PIP5K1B: variants seen among roughly 807,000 people sequenced by gnomAD.
PIP5K1B encodes the protein phosphatidylinositol-4-phosphate 5-kinase type 1 beta, also known as phosphatidylinositol 4-phosphate 5-kinase type-1 beta.
Under a neutral mutation model 67.0 loss-of-function variants are expected in PIP5K1B, and 42 were observed. The ratio of observed to expected loss-of-function variants is 0.63; its 90% CI spans 0.49 to 0.81. The LOEUF (loss-of-function observed/expected upper bound fraction) is 0.81, where lower values mean the gene tolerates loss of function less well. Among genes scored for constraint, PIP5K1B ranks in the 30% least tolerant of loss-of-function variants. PIP5K1B has a pLI of 0.00. For synonymous variants in PIP5K1B, 214 were observed against 231.4 expected (o/e 0.92, Z 0.68); for missense variants, 459 against 646.3 (o/e 0.71, Z 3.14).
At position 68,803,358 on chromosome 9, in the gene PIP5K1B, T is replaced by C. The variant is rs1385043396; in HGVS notation, c.-85-15103T>C. ...CACAAGTAGGTTGCAGTTAAACCCA[T>C]TGGTGATGGAAGAGATTATTCAGAA... On this transcript the variant is annotated intron_variant, in intron 2 of 15. Transcript: ENST00000265382. Among the ~76,000 whole-genome samples the C allele has an allele frequency of 3.3e-5, 5 of 152,080 alleles. No homozygotes were observed. The East Asian group carries it at 9.6e-4, about 29-fold the overall frequency.
intron 2 of PIP5K1B, among the ~76,000 whole-genome samples, chr9:68,794,494 G>A (rs1274730317): frequency 6.6e-6 from 1 of 151,996 alleles, no homozygotes; most frequent in East Asian, 1.9e-4. Flanking sequence ...TGAGTAAACT[G>A]TTCAAGCTAA....
At chr9:68,783,800 G>A (rs117964220) in intron 2 of PIP5K1B, 2 of 166,854 alleles carry the variant, frequency 1.2e-5, no homozygotes, top group Non-Finnish European at 1.5e-5. Context: ...CACTCTGGTC[G>A]GCTATCCATT....
chr9:68,719,959 G>T (rs79975431), intron 1 of PIP5K1B, among the ~76,000 whole-genome samples: 8,091 of 152,238 alleles, frequency 0.053, 292 homozygotes, highest in Middle Eastern at 0.12. Flanking sequence ...GAAATGATCA[G>T]CAGCAGCACT....
At chr9:68,752,383 G>C (rs1829677460) in intron 2 of PIP5K1B, among the ~76,000 whole-genome samples, 1 of 152,216 alleles carries the variant, frequency 6.6e-6, no homozygotes, top group African/African-American at 2.4e-5. Context: ...CATAGTTAGT[G>C]CAAGGGTAGG....
At chr9:68,951,078 A>G (rs892226824) in intron 14 of PIP5K1B, among the ~76,000 whole-genome samples, 9 of 152,228 alleles carry the variant, frequency 5.9e-5, no homozygotes, top group Non-Finnish European at 1.2e-4. Context: ...AGACAATGTT[A>G]AACTCTCCAT....
At chr9:68,815,205 C>A in intron 2 of PIP5K1B, among the ~76,000 whole-genome samples, 1 of 150,582 alleles carries the variant, frequency 6.6e-6, no homozygotes, top group African/African-American at 2.4e-5. Flanking sequence ...CACATCAAAA[C>A]TTATGAAGAA....
At chr9:68,762,279 C>A (rs1243498440) in intron 2 of PIP5K1B, among the ~76,000 whole-genome samples, 6 of 58,754 alleles carry the variant, frequency 1.0e-4, no homozygotes, top group African/African-American at 3.4e-4. Context: ...AAATGTTTGC[C>A]AAAGTTCATT....
intron 14 of PIP5K1B, among the ~76,000 whole-genome samples, chr9:68,971,711 A>G (rs1460832141): frequency 6.6e-6 from 1 of 152,188 alleles, no homozygotes; most frequent in Non-Finnish European, 1.5e-5. Context: ...ATGGTATCTC[A>G]TTGTGGTTTT....
In PIP5K1B at chr9:68,818,509, T is replaced by C. The variant is rs1247426502; in HGVS notation, c.-37T>C. ...CGACAATGAGTAGGCCACCCATCACTACTAACTACAGATGACTTGCCATTT... is the reference window on the plus strand; with the variant it reads ...CGACAATGAGTAGGCCACCCATCACCACTAACTACAGATGACTTGCCATTT... On this transcript the variant is annotated 5_prime_UTR_variant, in exon 3 of 16. Coordinates refer to ENST00000265382, the MANE Select transcript of PIP5K1B (RefSeq NM_003558.4). The C allele has an allele frequency of 6.6e-6, 1 of 152,640 alleles. No homozygotes were observed. Among genetic ancestry groups the C allele is most frequent in the Non-Finnish European group, 1.5e-5 (1 of 68,038 alleles). The allele number at this position is 152,640 out of a possible 1,614,324, so 9.5% of individuals were successfully genotyped here. A position where few individuals can be genotyped will look rare whatever the true frequency, so the allele number is the denominator to read the frequency against.
At chr9:68,725,120 A>G (rs991401916) in intron 1 of PIP5K1B, among the ~76,000 whole-genome samples, 1 of 152,206 alleles carries the variant, frequency 6.6e-6, no homozygotes, top group East Asian at 1.9e-4. Flanking sequence ...CAGTTCCACT[A>G]CACCTACTAT....
intron 2 of PIP5K1B, among the ~76,000 whole-genome samples, chr9:68,796,302 T>C (rs1038234410): frequency 9.4e-6 from 1 of 106,184 alleles, no homozygotes; most frequent in African/African-American, 3.6e-5. Context: ...CTCTTTAGTT[T>C]GTTTTCAATT....
intron 8 of PIP5K1B, 79 bp downstream of exon 8, chr9:68,894,717 G>C: frequency 7.5e-7 from 1 of 1,329,710 alleles, no homozygotes; most frequent in African/African-American, 1.5e-5. Flanking sequence ...TGAAAGCATA[G>C]AAATAAGGAA....
In PIP5K1B at chr9:68,923,321, G is replaced by A. The variant is rs982904930; in HGVS notation, c.1136G>A (p.Arg379Lys). The A allele has an allele frequency of 3.7e-6, 6 of 1,602,070 alleles. No individual in the cohort carries two copies. The highest frequency in any genetic ancestry group is 5.1e-6 in the Non-Finnish European group (6 of 1,172,216). Residue 379 changes from arginine to lysine, a missense_variant, in exon 12 of 16, where the codon AGA (arginine) becomes AAA (lysine). By Grantham distance (26) the Arg-to-Lys change is conservative. Transcript: ENST00000265382. The part of the protein sequence containing the change: ...VYDGDTVSVH[R>K]PSFYADRFLK... ...TTTCAGGACACTGTTTCTGTTCATA[G>A]ACCAAGCTTTTATGCAGACAGATTT...
In PIP5K1B at chr9:68,891,745, T is replaced by C. The variant is rs144782796; in HGVS notation, c.472-2594T>C. ...TGCTCATGAAAGTAAATCAGGAATT[T>C]TTAGAAGTGATATGACTCCAGCAGA... On this transcript the variant is annotated intron_variant, in intron 7 of 15. Coordinates refer to ENST00000265382, the MANE Select transcript of PIP5K1B (RefSeq NM_003558.4). 2.5e-3 allele frequency among the ~76,000 whole-genome samples: 381 copies of C among 152,272 alleles called. 5 individuals are homozygous for C. Among genetic ancestry groups the C allele is most frequent in the African/African-American group, 8.1e-3 (335 of 41,560 alleles).
intron 14 of PIP5K1B, among the ~76,000 whole-genome samples, chr9:68,973,054 A>G (rs1388691757): frequency 2.0e-5 from 3 of 152,230 alleles, no homozygotes; most frequent in Non-Finnish European, 2.9e-5. Flanking sequence ...GATAGGGATA[A>G]AGAACAAGCT....
rs577192060 is a variant in PIP5K1B at position 68,944,047 on chromosome 9, GA to G, written c.1502+3266del. Reference sequence around the variant, plus strand: ...CTCCAAAAATTGGCTAGGAAGGAAAGAAAAAAAAATAGTATCATCTTAAAAG... The same window carrying G: ...CTCCAAAAATTGGCTAGGAAGGAAAGAAAAAAAATAGTATCATCTTAAAAG... On this transcript the variant is annotated intron_variant, in intron 14 of 15. Transcript: ENST00000265382. Among the ~76,000 whole-genome samples the G allele has an allele frequency of 7.2e-4, 108 of 150,036 alleles. No individual in the cohort carries two copies. The Middle Eastern group carries it at 0.01, about 14-fold the overall frequency.
chr9:68,781,504 T>TTCTTCTATAGA (rs1831274740), intron 2 of PIP5K1B: 1 of 169,702 alleles, frequency 5.9e-6, no homozygotes, highest in African/African-American at 2.4e-5. Context: ...AAAAAATACG[T>TTCTTCTATAGA]TAGTTATATC....
chr9:68,780,012 C>G, intron 2 of PIP5K1B: 2 of 1,036,366 alleles, frequency 1.9e-6, no homozygotes, highest in Non-Finnish European at 2.6e-6. Context: ...GTACGGACAT[C>G]GCGAGCGCCT....
At chr9:68,764,619 T>C (rs189519239) in intron 2 of PIP5K1B, among the ~76,000 whole-genome samples, 47 of 152,240 alleles carry the variant, frequency 3.1e-4, no homozygotes, top group Non-Finnish European at 3.4e-4. Flanking sequence ...TACTACTGTT[T>C]AATGCTATAA....
Sources: allele counts gnomAD v4.1 joint callset (sites outside exome capture counted in the v4.1 genomes callset), GRCh38; gene constraint gnomAD v4.1.1; transcripts MANE v1.5; gene names NCBI Gene and HGNC (gene_info 2026-07-23, HGNC 2026-07-21).